Variants in PRKCA observed in about 807,000 individuals in gnomAD.
PRKCA encodes protein kinase C alpha type.
Under a neutral mutation model 87.0 loss-of-function variants are expected in PRKCA, and 27 were observed. The observed-to-expected ratio is 0.31, with a 90% CI of 0.23 to 0.43. PRKCA has a LOEUF of 0.43. Among genes scored for constraint, PRKCA ranks in the 20% least tolerant of loss-of-function variants. The pLI is 1.00. For missense variants in PRKCA, 518 were observed against 852.3 expected, an observed-to-expected ratio of 0.61 and a Z score of 4.88; for synonymous variants, 329 against 311.1, an observed-to-expected ratio of 1.06 and a Z score of -0.61.
At chr17:66,539,654 T>C (rs897407288) in intron 3 of PRKCA, among the ~76,000 whole-genome samples, 17 of 152,210 alleles carry the variant, frequency 1.1e-4, no homozygotes, top group Non-Finnish European at 2.2e-4. Context: ...CTGCCCGCCT[T>C]GGCCTCCCAA....
At chr17:66,734,791 G>T (rs9901059) in intron 9 of PRKCA, among the ~76,000 whole-genome samples, 23 of 152,084 alleles carry the variant, frequency 1.5e-4, no homozygotes, top group African/African-American at 5.6e-4. Flanking sequence ...CATCTTAGTC[G>T]CTAAAGAGGC....
chr17:66,446,199 G>A (rs1478828601), intron 2 of PRKCA, among the ~76,000 whole-genome samples: 1 of 151,902 alleles, frequency 6.6e-6, no homozygotes, highest in African/African-American at 2.4e-5. Context: ...TGGGGAAGGT[G>A]CTGTTTTCTA....
rs1024349281 is a variant in PRKCA at position 66,377,008 on chromosome 17, C to A, written c.205+70881C>A. Among the ~76,000 whole-genome samples, 75 of 150,460 alleles carry A rather than the reference C, an allele frequency of 5.0e-4. 1 individual carries two copies. The highest frequency in any genetic ancestry group is 1.7e-3 in the African/African-American group (68 of 41,062). The stretch of plus-strand genomic sequence containing the variant: ...TTCAGTCCCCTGCAAAATCCCAAAG[C>A]CTCCGGATTTATTTATTTATTTATT... On this transcript the variant is annotated intron_variant, in intron 2 of 16. Transcript: ENST00000413366.
chr17:66,787,010 C>A (rs754348545), intron 15 of PRKCA, 36 bp downstream of exon 15: 2 of 1,416,086 alleles, frequency 1.4e-6, no homozygotes, highest in Non-Finnish European at 2.0e-6. Context: ...GATCATGGAC[C>A]AAGAGCTTTG....
At chr17:66,350,305 GA>G (rs1472421787) in intron 2 of PRKCA, among the ~76,000 whole-genome samples, 2 of 152,128 alleles carry the variant, frequency 1.3e-5, no homozygotes, top group Admixed American at 6.5e-5. Context: ...TGAGCCGTCT[GA>G]GTGGTCAGTC....
At chr17:66,512,785 C>T (rs1317485739) in intron 3 of PRKCA, among the ~76,000 whole-genome samples, 1 of 152,094 alleles carries the variant, frequency 6.6e-6, no homozygotes, top group African/African-American at 2.4e-5. Context: ...TTCCACCTCC[C>T]AGGTTCGAGC....
At chr17:66,429,479 G>T (rs1567824536) in intron 2 of PRKCA, among the ~76,000 whole-genome samples, 1 of 152,122 alleles carries the variant, frequency 6.6e-6, no homozygotes, top group Non-Finnish European at 1.5e-5. Flanking sequence ...ACTTCACTGT[G>T]GTTTGATTTG....
At chr17:66,578,985 G>T (rs1157732969) in intron 3 of PRKCA, among the ~76,000 whole-genome samples, 1 of 152,214 alleles carries the variant, frequency 6.6e-6, no homozygotes, top group East Asian at 1.9e-4. Context: ...CTCTGCACTT[G>T]CAAGAGGCTA....
chr17:66,560,241 T>TA (rs11299095), intron 3 of PRKCA, among the ~76,000 whole-genome samples: 27,272 of 148,774 alleles, frequency 0.18, 3,276 homozygotes, highest in African/African-American at 0.34. Context: ...AAATCAGGAA[T>TA]AAAAAAAAAA....
At chr17:66,703,542 C>G (rs1454966878) in intron 8 of PRKCA, 1 of 152,002 alleles carries the variant, frequency 6.6e-6, no homozygotes, top group Non-Finnish European at 1.5e-5. Flanking sequence ...GCCTATAATC[C>G]CAGCAAGTTT....
rs182146082 is a variant in PRKCA at position 66,604,874 on chromosome 17, C to T, written c.289-36481C>T. ...CACCAAGAGACTGGACTTGGGGGTG[C>T]GTTGCCTGTGATAGGATGCCAAGTT... is the stretch of plus-strand genomic sequence containing the variant. On this transcript the variant is annotated intron_variant, in intron 3 of 16. Transcript: ENST00000413366. Among the ~76,000 whole-genome samples, 255 of 151,690 alleles carry T rather than the reference C, an allele frequency of 1.7e-3. 2 individuals are homozygous for T. Among genetic ancestry groups the T allele is most frequent in the African/African-American group, 5.9e-3 (244 of 41,366 alleles).
chr17:66,787,071 C>T (rs1294714797), intron 15 of PRKCA, 97 bp downstream of exon 15: 1 of 963,056 alleles, frequency 1.0e-6, no homozygotes, highest in Admixed American at 1.7e-5. Flanking sequence ...AGAAACACCA[C>T]AAACCCACAC....
intron 5 of PRKCA, among the ~76,000 whole-genome samples, chr17:66,659,746 AAAG>A (rs1301840133): frequency 6.6e-6 from 1 of 151,996 alleles, no homozygotes; most frequent in Non-Finnish European, 1.5e-5. Context: ...GTCACAAAAA[AAAG>A]AAGTCACTAA....
At chr17:66,460,141 G>A (rs762533789) in intron 2 of PRKCA, among the ~76,000 whole-genome samples, 5 of 152,154 alleles carry the variant, frequency 3.3e-5, no homozygotes, top group Non-Finnish European at 7.3e-5. Context: ...AACGGACTGG[G>A]CATTTGTAAC....
chr17:66,440,185 A>G (rs1436104455), intron 2 of PRKCA, among the ~76,000 whole-genome samples: 2 of 152,214 alleles, frequency 1.3e-5, no homozygotes, highest in African/African-American at 4.8e-5. Context: ...ACCACATTGA[A>G]TTGATTAAAC....
At chr17:66,471,645 A>T (rs1915330138) in intron 2 of PRKCA, among the ~76,000 whole-genome samples, 1 of 137,880 alleles carries the variant, frequency 7.3e-6, no homozygotes, top group Admixed American at 7.3e-5. Flanking sequence ...CTGTTTTCTA[A>T]TTTTTTTTTT....
At chr17:66,409,053 A>G (rs889281912) in intron 2 of PRKCA, among the ~76,000 whole-genome samples, 4 of 150,992 alleles carry the variant, frequency 2.6e-5, no homozygotes, top group Non-Finnish European at 5.9e-5. Flanking sequence ...AAAAAAAAAA[A>G]AAGAAGAAGA....
At chr17:66,509,468 C>T (rs961321310) in intron 3 of PRKCA, among the ~76,000 whole-genome samples, 1 of 152,062 alleles carries the variant, frequency 6.6e-6, no homozygotes, top group Non-Finnish European at 1.5e-5. Flanking sequence ...AAGCTGGTGA[C>T]CAAATCTCAA....
At chr17:66,616,932 G>C (rs975849901) in intron 3 of PRKCA, among the ~76,000 whole-genome samples, 3 of 151,976 alleles carry the variant, frequency 2.0e-5, no homozygotes, top group East Asian at 1.9e-4. Context: ...AGGAGCTCCA[G>C]CTTTCCTGTG....
Sources: gnomAD v4.1 joint callset for allele counts (sites outside exome capture counted in the v4.1 genomes callset) on GRCh38, gnomAD v4.1.1 for gene constraint, MANE v1.5 for transcripts, NCBI Gene and HGNC (gene_info 2026-07-23, HGNC 2026-07-21) for gene names.